MATN2: variants seen among roughly 807,000 people sequenced by gnomAD.
MATN2 encodes the protein matrilin 2.
In MATN2, 69 loss-of-function variants were observed where a neutral mutation model predicts 103.2. The observed-to-expected ratio is 0.67, with a 90% CI of 0.55 to 0.82. The LOEUF is 0.82. Among genes scored for constraint, MATN2 ranks in the 40% least tolerant of loss-of-function variants. The probability of loss-of-function intolerance (pLI) is 0.00; values close to 1 mark genes in which losing one functional copy is unlikely to be tolerated. For synonymous variants in MATN2, 429 were observed against 450.2 expected (o/e 0.95, Z 0.60); for missense variants, 1,023 against 1,211.5 (o/e 0.84, Z 2.31).
At chr8:97,903,741 AG>A (rs1354457831) in intron 2 of MATN2, among the ~76,000 whole-genome samples, 2 of 152,158 alleles carry the variant, frequency 1.3e-5, no homozygotes, top group Non-Finnish European at 2.9e-5. Flanking sequence ...AGAATATTAG[AG>A]GAGGTAACCT....
chr8:97,946,219 G>A (rs1279377808), intron 4 of MATN2, among the ~76,000 whole-genome samples: 1 of 152,084 alleles, frequency 6.6e-6, no homozygotes, highest in African/African-American at 2.4e-5. Flanking sequence ...GATATTAGTT[G>A]TCTAAAAAGG....
chr8:97,979,102 T>C, intron 6 of MATN2, 94 bp downstream of exon 6: 1 of 1,386,178 alleles, frequency 7.2e-7, no homozygotes, highest in Non-Finnish European at 9.8e-7. Context: ...AGATTAGCAA[T>C]ATAATTATGT....
rs1814100279 is a variant in MATN2, at chr8:98,033,098, G to A, written c.2638G>A (p.Val880Met). 5 of 1,611,836 alleles carry A rather than the reference G, an allele frequency of 3.1e-6. No individual in the cohort carries two copies. Among genetic ancestry groups the A allele is most frequent in the Non-Finnish European group, 4.2e-6 (5 of 1,178,890 alleles). ...CCTACTTTCCTGTTCTAATTTTGCA[G>A]TGCAACACAGATATCTGTTTGAAGA... Reference protein sequence around the residue: ...QDLLSCSNFAVQHRYLFEEDN... With the variant: ...QDLLSCSNFAMQHRYLFEEDN... Residue 880 changes from valine (V) to methionine (M), a missense_variant, in exon 17 of 19, where the codon GTG becomes ATG. Transcript: ENST00000254898.
chr8:97,988,173 T>A (rs371645480), intron 6 of MATN2, among the ~76,000 whole-genome samples: 1,585 of 72,336 alleles, frequency 0.022, 31 homozygotes, highest in African/African-American at 0.066. Context: ...AAAAAAAAAA[T>A]ATATATATAT....
chr8:98,002,362 C>G (rs1677542222), intron 7 of MATN2, among the ~76,000 whole-genome samples: 1 of 152,224 alleles, frequency 6.6e-6, no homozygotes. Flanking sequence ...CAAGGCGAAG[C>G]ATTTAGATCC....
At chr8:97,979,129 C>A in intron 6 of MATN2, 121 bp downstream of exon 6, 2 of 1,176,780 alleles carry the variant, frequency 1.7e-6, no homozygotes, top group Non-Finnish European at 2.4e-6. Context: ...GGTCTAATAC[C>A]TTTTGCCCCA....
chr8:97,914,358 CTTTTTTTTTTT>C (rs149996231), intron 2 of MATN2, among the ~76,000 whole-genome samples: 7 of 52,936 alleles, frequency 1.3e-4, no homozygotes, highest in African/African-American at 1.6e-4. Flanking sequence ...AAATCCAGAC[CTTTTTTTTTTT>C]TTTTTTTTTT....
intron 5 of MATN2, among the ~76,000 whole-genome samples, chr8:97,975,477 G>A (rs181036987): frequency 5.9e-5 from 9 of 152,244 alleles, no homozygotes; most frequent in East Asian, 3.9e-4. Context: ...AGAAATGGCC[G>A]GGCTCAGATT....
At chr8:97,870,913 A>G (rs2129911608) in intron 1 of MATN2, among the ~76,000 whole-genome samples, 1 of 152,294 alleles carries the variant, frequency 6.6e-6, no homozygotes, top group East Asian at 1.9e-4. Context: ...GCATTTTCCT[A>G]TCTGTCCACA....
In MATN2 at chr8:98,030,253, C is replaced by G. The variant is rs536753670; in HGVS notation, c.2357-209C>G. 5.3e-4 allele frequency among the ~76,000 whole-genome samples: 80 copies of G among 152,338 alleles called. 1 individual carries two copies. The South Asian group carries it at 0.016, about 30-fold the overall frequency. Reference sequence around the variant, plus strand: ...GGTTAGTAGTTTAGTTCCCCAGCGTCTCCCAGATGCCTCACTTCTCTCTTG... The same window carrying G: ...GGTTAGTAGTTTAGTTCCCCAGCGTGTCCCAGATGCCTCACTTCTCTCTTG... On this transcript the variant is annotated intron_variant, in intron 14 of 18. Transcript: ENST00000254898.
In MATN2 at chr8:97,967,604, A is replaced by G. The variant is rs1029655775; in HGVS notation, c.958+6074A>G. 2.0e-5 allele frequency among the ~76,000 whole-genome samples: 3 copies of G among 152,238 alleles called. No homozygotes were observed. In the South Asian group the frequency reaches 6.2e-4, roughly 31 times the overall value. On this transcript the variant is annotated intron_variant, in intron 5 of 18. Coordinates refer to ENST00000254898, the MANE Select transcript of MATN2 (RefSeq NM_002380.5). ...AGCCATTACATTTTAAAACTCCAAA[A>G]CAATCTCCTTTGACTCCATGTCCTG...
At position 97,994,477 on chromosome 8, in the gene MATN2, C is replaced by A; in HGVS notation, c.1082-3C>A. On this transcript the variant is annotated splice_polypyrimidine_tract_variant and splice_region_variant and intron_variant, in intron 6 of 18. Coordinates refer to ENST00000254898, the MANE Select transcript of MATN2 (RefSeq NM_002380.5). Reference sequence around the variant, plus strand: ...CATTCTTGTGATTTTTCCTTCTTGCCAGAGATAGACTACTGTGCCTCATCT... The same window carrying A: ...CATTCTTGTGATTTTTCCTTCTTGCAAGAGATAGACTACTGTGCCTCATCT... 6.3e-7 allele frequency: 1 copy of A among 1,598,682 alleles called. No individual in the cohort carries two copies. Among genetic ancestry groups the A allele is most frequent in the Non-Finnish European group, 8.5e-7 (1 of 1,174,920 alleles).
chr8:98,032,068 T>G, intron 15 of MATN2, 178 bp from the exon 16 acceptor site: 2 of 546,916 alleles, frequency 3.7e-6, no homozygotes, highest in Admixed American at 3.3e-5. Context: ...TGCCCTAGAG[T>G]GGTCATAAGT....
chr8:98,027,849 C>A lies in MATN2; in HGVS notation c.2356+20C>A, dbSNP rs756234119. 3.9e-6 allele frequency: 6 copies of A among 1,526,130 alleles called. No homozygotes were observed. The highest frequency in any genetic ancestry group is 5.3e-6 in the Non-Finnish European group (6 of 1,138,974). 94.5% of individuals were successfully genotyped at this position (1,526,130 alleles called of 1,614,324 possible). ...CCAATGGTAATATGGGGTGGAGGTGCGGTTTACACCACTCAAGGTTCAGGT... is the reference window on the plus strand; with the variant it reads ...CCAATGGTAATATGGGGTGGAGGTGAGGTTTACACCACTCAAGGTTCAGGT... On this transcript the variant is annotated intron_variant, in intron 14 of 18. Coordinates refer to ENST00000254898, the MANE Select transcript of MATN2 (RefSeq NM_002380.5).
At chr8:97,916,750 G>C (rs576490667) in intron 2 of MATN2, among the ~76,000 whole-genome samples, 1 of 152,280 alleles carries the variant, frequency 6.6e-6, no homozygotes, top group South Asian at 2.1e-4. Context: ...ACGTTGCAAG[G>C]AAATTCAATT....
intron 2 of MATN2, among the ~76,000 whole-genome samples, chr8:97,924,942 C>T (rs1020663583): frequency 6.6e-6 from 1 of 152,044 alleles, no homozygotes; most frequent in Non-Finnish European, 1.5e-5. Flanking sequence ...GGAGCCATCA[C>T]GATGGGTTCA....
chr8:97,883,171 G>C (rs1332883166), intron 1 of MATN2, among the ~76,000 whole-genome samples: 1 of 151,632 alleles, frequency 6.6e-6, no homozygotes, highest in Non-Finnish European at 1.5e-5. Context: ...TGTAGTCCCA[G>C]CTACTCAGGA....
At chr8:97,963,953 C>T (rs562591010) in intron 5 of MATN2, among the ~76,000 whole-genome samples, 19 of 152,196 alleles carry the variant, frequency 1.2e-4, no homozygotes, top group African/African-American at 3.6e-4. Context: ...GTGAGTACAA[C>T]GCAAATGATA....
At chr8:98,011,278 A>G (rs1037429118) in intron 10 of MATN2, among the ~76,000 whole-genome samples, 6 of 152,158 alleles carry the variant, frequency 3.9e-5, no homozygotes, top group Non-Finnish European at 8.8e-5. Flanking sequence ...GAATACCCTC[A>G]CATCAGGGTT....
Sources: gnomAD v4.1 joint callset for allele counts (sites outside exome capture counted in the v4.1 genomes callset) on GRCh38, gnomAD v4.1.1 for gene constraint, MANE v1.5 for transcripts, NCBI Gene and HGNC (gene_info 2026-07-23, HGNC 2026-07-21) for gene names.